The following OSBPL1A variants were observed in gnomAD, a reference collection of about 807,000 sequenced individuals.
OSBPL1A encodes oxysterol binding protein like 1A.
OSBPL1A carries 80 observed loss-of-function variants against 137.1 expected under a neutral mutation model. That is an observed-to-expected ratio of 0.58 (90% confidence interval 0.49 to 0.70). OSBPL1A has a LOEUF of 0.70. OSBPL1A is among the 30% of genes least tolerant of loss of function. OSBPL1A has a pLI of 0.00. For synonymous variants in OSBPL1A, 365 were observed against 389.7 expected, an observed-to-expected ratio of 0.94 and a Z score of 0.75; for missense variants, 970 against 1,129.4, an observed-to-expected ratio of 0.86 and a Z score of 2.02.
chr18:24,322,411 G>A lies in OSBPL1A; in HGVS notation c.626-3602C>T, dbSNP rs145470934. On this transcript the variant is annotated intron_variant, in intron 7 of 27. Transcript: ENST00000319481. ...GTTGGGATTACAGGTGTGAGCCACC[G>A]TGCCCGGCCTTGTATGTGGCTTTAA... Among the ~76,000 whole-genome samples, 820 of 152,022 alleles carry A rather than the reference G, an allele frequency of 5.4e-3. 2 individuals are homozygous for A. The highest frequency in any genetic ancestry group is 0.018 in the African/African-American group (752 of 41,454).
At chr18:24,321,106 T>C (rs937329636) in intron 7 of OSBPL1A, among the ~76,000 whole-genome samples, 1 of 152,038 alleles carries the variant, frequency 6.6e-6, no homozygotes, top group South Asian at 2.1e-4. Context: ...TCCATGATTT[T>C]GATAAATTAC....
chr18:24,373,232 A>G (rs1905810831), intron 2 of OSBPL1A, among the ~76,000 whole-genome samples: 1 of 152,228 alleles, frequency 6.6e-6, no homozygotes, highest in Admixed American at 6.5e-5. Flanking sequence ...AGTACACTAT[A>G]CATAATATTA....
rs569657768 is a variant in OSBPL1A at position 24,379,737 on chromosome 18, G to C, written c.-2-2202C>G. Among the ~76,000 whole-genome samples, 19 of 151,810 alleles carry C rather than the reference G, an allele frequency of 1.3e-4. No homozygotes were observed. The East Asian group carries it at 3.5e-3, about 28-fold the overall frequency. ...AAAAAAAATTTAGCCAGGTGTGGTA[G>C]GGGAGGCCTGTAGTCCCAGCTATAT... On this transcript the variant is annotated intron_variant, in intron 1 of 27. Transcript: ENST00000319481.
At chr18:24,204,693 G>A (rs751198882) in intron 17 of OSBPL1A, among the ~76,000 whole-genome samples, 6 of 151,824 alleles carry the variant, frequency 4.0e-5, no homozygotes, top group South Asian at 2.1e-4. Flanking sequence ...CTCATCTGGG[G>A]CCACTTGAGA....
intron 2 of OSBPL1A, among the ~76,000 whole-genome samples, chr18:24,377,086 C>T (rs1333428279): frequency 6.6e-6 from 1 of 152,236 alleles, no homozygotes; most frequent in African/African-American, 2.4e-5. Context: ...AGTGGGAGCC[C>T]AGGCAGAGGA....
At chr18:24,163,796 ACTCTCAGCTCACTGCAACCTCTGC>A (rs2086077570) in intron 27 of OSBPL1A, among the ~76,000 whole-genome samples, 1 of 150,206 alleles carries the variant, frequency 6.7e-6, no homozygotes, top group South Asian at 2.1e-4. Context: ...GCGATGGTGC[ACTCTCAGCTCACTGCAACCTCTGC>A]CTCCCGGGTG....
chr18:24,234,810 T>G (rs950508432), intron 16 of OSBPL1A, among the ~76,000 whole-genome samples: 2 of 152,214 alleles, frequency 1.3e-5, no homozygotes, highest in Non-Finnish European at 2.9e-5. Context: ...TCTTTTTTTT[T>G]CATACCTTCT....
intron 17 of OSBPL1A, among the ~76,000 whole-genome samples, chr18:24,219,053 G>A (rs888237093): frequency 6.6e-6 from 1 of 152,060 alleles, no homozygotes; most frequent in South Asian, 2.1e-4. Flanking sequence ...AGCACTTTGG[G>A]AGGTCAAGGT....
intron 2 of OSBPL1A, among the ~76,000 whole-genome samples, chr18:24,369,144 G>A (rs1417525504): frequency 6.6e-6 from 1 of 152,160 alleles, no homozygotes; most frequent in African/African-American, 2.4e-5. Context: ...TTGGAAAGCT[G>A]TGAACTCTAC....
chr18:24,265,919 T>C (rs576931466), intron 15 of OSBPL1A, among the ~76,000 whole-genome samples: 1 of 152,308 alleles, frequency 6.6e-6, no homozygotes, highest in Non-Finnish European at 1.5e-5. Context: ...CAACACACCA[T>C]GCCACAAACC....
intron 18 of OSBPL1A, among the ~76,000 whole-genome samples, chr18:24,191,294 C>A (rs2086884757): frequency 6.6e-6 from 1 of 152,198 alleles, no homozygotes; most frequent in Non-Finnish European, 1.5e-5. Flanking sequence ...GTAATATAAT[C>A]TGACTTTTGG....
At chr18:24,279,453 A>T (rs2089913766) in intron 15 of OSBPL1A, among the ~76,000 whole-genome samples, 1 of 152,014 alleles carries the variant, frequency 6.6e-6, no homozygotes. Flanking sequence ...ATATGAATTC[A>T]TAAGGATCCC....
Position 24,314,283 on chromosome 18 carries a change from C to T in OSBPL1A, c.935G>A (p.Arg312Gln), listed in dbSNP as rs538320788. 139 of 1,610,468 alleles carry T rather than the reference C, an allele frequency of 8.6e-5. 1 individual carries two copies. In the South Asian group the frequency reaches 1.4e-3, roughly 17 times the overall value. Residue 312 changes from arginine (R) to glutamine (Q), a missense_variant, in exon 12 of 28, where the codon CGG (arginine) becomes CAG (glutamine). Arg to Gln is a conservative substitution (Grantham distance 43). Transcript: ENST00000319481. Reference protein sequence around the residue: ...KCFDDTIHGFRVPKNSLQQSR... With the variant: ...KCFDDTIHGFQVPKNSLQQSR... ...CTGCTGAAGGCTATTCTTAGGAACC[C>T]GGAAGCCATGAATGGTGTCATCAAA...
chr18:24,216,186 C>T (rs959769614), intron 17 of OSBPL1A, among the ~76,000 whole-genome samples: 1 of 152,112 alleles, frequency 6.6e-6, no homozygotes, highest in African/African-American at 2.4e-5. Context: ...TTTGTAGAGA[C>T]CAGACACGCC....
intron 15 of OSBPL1A, among the ~76,000 whole-genome samples, chr18:24,260,189 G>C (rs2089408923): frequency 6.6e-6 from 1 of 152,088 alleles, no homozygotes; most frequent in South Asian, 2.1e-4. Flanking sequence ...AAGAATGTGG[G>C]GAAAGTGGAA....
intron 15 of OSBPL1A, among the ~76,000 whole-genome samples, chr18:24,276,381 C>T (rs1017543305): frequency 2.0e-5 from 3 of 152,104 alleles, no homozygotes; most frequent in Non-Finnish European, 4.4e-5. Flanking sequence ...GTAGATCAAC[C>T]ACCAACTTTA....
intron 16 of OSBPL1A, among the ~76,000 whole-genome samples, chr18:24,229,150 T>A (rs1479243352): frequency 6.6e-6 from 1 of 152,074 alleles, no homozygotes; most frequent in African/African-American, 2.4e-5. Flanking sequence ...TGCAGTGAGC[T>A]AAGATTGAAC....
chr18:24,265,756 G>C (rs1242677453), intron 15 of OSBPL1A, among the ~76,000 whole-genome samples: 1 of 152,152 alleles, frequency 6.6e-6, no homozygotes, highest in Non-Finnish European at 1.5e-5. Context: ...GTGTGTAACA[G>C]TGTGTCCATG....
intron 1 of OSBPL1A, among the ~76,000 whole-genome samples, chr18:24,392,402 G>A: frequency 6.6e-6 from 1 of 151,894 alleles, no homozygotes; most frequent in East Asian, 1.9e-4. Context: ...CAGGTGATCT[G>A]CCCACCTCGG....
Sources: allele counts gnomAD v4.1 joint callset (sites outside exome capture counted in the v4.1 genomes callset), GRCh38; gene constraint gnomAD v4.1.1; transcripts MANE v1.5; gene names NCBI Gene and HGNC (gene_info 2026-07-23, HGNC 2026-07-21).